Variants in PLPPR1 observed in about 807,000 individuals in gnomAD.
The protein encoded by PLPPR1 is phospholipid phosphatase-related protein type 1.
A neutral mutation model predicts 33.1 loss-of-function variants in PLPPR1; 10 were observed. The ratio of observed to expected loss-of-function variants is 0.30; its 90% CI spans 0.19 to 0.51. The LOEUF is 0.51. Among genes scored for constraint, PLPPR1 ranks in the 20% least tolerant of loss-of-function variants. The pLI is 0.97. For synonymous variants in PLPPR1, 151 were observed against 151.0 expected (o/e 1.00, Z 0.00); for missense variants, 304 against 408.1 (o/e 0.74, Z 2.20).
At chr9:101,220,521 A>G (rs1440002406) in intron 2 of PLPPR1, among the ~76,000 whole-genome samples, 1 of 152,166 alleles carries the variant, frequency 6.6e-6, no homozygotes, top group Non-Finnish European at 1.5e-5. Context: ...CAGTACAAAG[A>G]CATTAAATAT....
chr9:101,317,350 C>A lies in PLPPR1; in HGVS notation c.814-15C>A. 1 of 1,607,040 alleles carries A rather than the reference C, an allele frequency of 6.2e-7. No homozygotes were observed. Among genetic ancestry groups the A allele is most frequent in the Non-Finnish European group, 8.5e-7 (1 of 1,177,558 alleles). ...TGCAGTCTGACCCCATTCTTTTTTC[C>A]CCCTCATCCTGCAGGGAATGTGTGT... On this transcript the variant is annotated splice_polypyrimidine_tract_variant and intron_variant, in intron 6 of 7. Transcript: ENST00000374874.
rs1400467866 is a variant in PLPPR1, at chr9:101,317,492, C to T, written c.941C>T (p.Ala314Val). The T allele has an allele frequency of 6.8e-6, 11 of 1,613,368 alleles. No homozygotes were observed. The Admixed American group carries it at 1.8e-4, about 27-fold the overall frequency. ...RIESPLETLS[A>V]QNHSASMTEV... ...GAAAGCCCTCTGGAAACCTTAAGTG[C>T]ACAGGTATGGTAAAGCAGTTTTAGC... The change falls in exon 7 of 8, where the codon GCA (alanine) becomes GTA (valine). Residue 314 changes from alanine to valine, a missense_variant. Ala to Val is a moderately conservative substitution (Grantham distance 64, BLOSUM62 0). Transcript: ENST00000374874.
intron 4 of PLPPR1, among the ~76,000 whole-genome samples, chr9:101,293,240 CAAG>C (rs368248583): frequency 0.24 from 35,856 of 150,876 alleles, 4,344 homozygotes; most frequent in Admixed American, 0.3. Flanking sequence ...ATCAATTCAA[CAAG>C]AAGAGCTAAC....
At chr9:101,109,772 A>G (rs1831028473) in intron 1 of PLPPR1, among the ~76,000 whole-genome samples, 1 of 152,088 alleles carries the variant, frequency 6.6e-6, no homozygotes, top group South Asian at 2.1e-4. Flanking sequence ...TTCTTTTTCA[A>G]TACAGTTTGG....
intron 1 of PLPPR1, among the ~76,000 whole-genome samples, chr9:101,120,639 A>G (rs1041729405): frequency 1.3e-5 from 2 of 152,202 alleles, no homozygotes; most frequent in African/African-American, 4.8e-5. Flanking sequence ...CTTCAGCTAA[A>G]CAATGGAGAT....
At chr9:101,148,929 C>T (rs1310249362) in intron 1 of PLPPR1, among the ~76,000 whole-genome samples, 1 of 152,142 alleles carries the variant, frequency 6.6e-6, no homozygotes, top group Non-Finnish European at 1.5e-5. Context: ...AATTCCAATG[C>T]CAGATATCCC....
intron 1 of PLPPR1, among the ~76,000 whole-genome samples, chr9:101,065,410 C>G (rs990369294): frequency 6.6e-6 from 1 of 152,116 alleles, no homozygotes; most frequent in African/African-American, 2.4e-5. Flanking sequence ...TAACATTTCT[C>G]TGGCACATTT....
At chr9:101,100,109 T>G (rs537025680) in intron 1 of PLPPR1, among the ~76,000 whole-genome samples, 2 of 151,954 alleles carry the variant, frequency 1.3e-5, no homozygotes, top group South Asian at 4.2e-4. Flanking sequence ...ATTTTAGGCA[T>G]TTTTTTTCTT....
At chr9:101,171,153 G>C (rs1246802300) in intron 1 of PLPPR1, among the ~76,000 whole-genome samples, 1 of 152,088 alleles carries the variant, frequency 6.6e-6, no homozygotes, top group Non-Finnish European at 1.5e-5. Context: ...AAATAGGGCA[G>C]CTGAGTCCTG....
intron 1 of PLPPR1, among the ~76,000 whole-genome samples, chr9:101,181,061 T>C (rs1350955599): frequency 6.7e-6 from 1 of 149,986 alleles, no homozygotes; most frequent in Non-Finnish European, 1.5e-5. Context: ...CTAAACATGG[T>C]CAAAGAATCT....
At chr9:101,148,372 G>C (rs1419985758) in intron 1 of PLPPR1, among the ~76,000 whole-genome samples, 9 of 152,182 alleles carry the variant, frequency 5.9e-5, no homozygotes, top group Non-Finnish European at 1.5e-5. Flanking sequence ...TAAAGAGTAA[G>C]AAAATTGCTA....
chr9:101,279,681 A>G (rs1020311090), intron 3 of PLPPR1, among the ~76,000 whole-genome samples: 2 of 152,210 alleles, frequency 1.3e-5, no homozygotes, highest in African/African-American at 4.8e-5. Flanking sequence ...AACTATACAC[A>G]CACATGGAAA....
intron 1 of PLPPR1, among the ~76,000 whole-genome samples, chr9:101,123,169 C>T (rs1350516525): frequency 6.6e-6 from 1 of 151,222 alleles, no homozygotes; most frequent in African/African-American, 2.4e-5. Context: ...TGATACCAAA[C>T]ATTAAAAATC....
rs1216641380 is a variant in PLPPR1, at chr9:101,309,422, A to G, written c.597A>G (p.Lys199=). ...AGGCTCGGAGATCCTTTCCCTCCAA[A>G]CACGCTGCTCTGAGCATTTACTCCG... ...IEKARRSFPS[K]HAALSIYSAL... Residue 199 remains lysine (K), a synonymous_variant, in exon 5 of 8, where the codon AAA becomes AAG. Transcript: ENST00000374874. The G allele has an allele frequency of 1.2e-6, 2 of 1,614,058 alleles. No individual in the cohort carries two copies. The highest frequency in any genetic ancestry group is 2.2e-5 in the South Asian group (2 of 91,072).
chr9:101,321,793 A>C (rs566487056), intron 7 of PLPPR1, among the ~76,000 whole-genome samples: 1 of 148,210 alleles, frequency 6.7e-6, no homozygotes, highest in South Asian at 2.1e-4. Flanking sequence ...ATATATATTT[A>C]TATACATATA....
chr9:101,125,687 G>T (rs2118602028), intron 1 of PLPPR1: 1 of 630,950 alleles, frequency 1.6e-6, no homozygotes. Flanking sequence ...AATGACCATT[G>T]TAACATTACA....
At chr9:101,093,989 C>T (rs1830783196) in intron 1 of PLPPR1, among the ~76,000 whole-genome samples, 1 of 152,206 alleles carries the variant, frequency 6.6e-6, no homozygotes, top group Admixed American at 6.5e-5. Flanking sequence ...CCTCTTACCT[C>T]CCATCTGCAG....
rs550751986 is a variant in PLPPR1, at chr9:101,106,215, C to T, written c.-46+77113C>T. 2.3e-3 allele frequency among the ~76,000 whole-genome samples: 337 copies of T among 146,612 alleles called. 12 individuals are homozygous for T. Among genetic ancestry groups the T allele is most frequent in the African/African-American group, 8.3e-3 (320 of 38,610 alleles). The stretch of plus-strand genomic sequence containing the variant: ...TATGATGTTAGCTGGTGCTTTTGCT[C>T]GTTAGTTGATGCAGTTTCTTCCTAG... On this transcript the variant is annotated intron_variant, in intron 1 of 7. Transcript: ENST00000374874.
intron 2 of PLPPR1, among the ~76,000 whole-genome samples, chr9:101,234,551 A>T (rs192320605): frequency 0.013 from 1,895 of 146,750 alleles, 20 homozygotes; most frequent in Non-Finnish European, 0.019. Context: ...GTATTTTTTT[A>T]AAAAAAAAAC....
Sources: allele counts gnomAD v4.1 joint callset (sites outside exome capture counted in the v4.1 genomes callset), GRCh38; gene constraint gnomAD v4.1.1; transcripts MANE v1.5; gene names NCBI Gene and HGNC (gene_info 2026-07-23, HGNC 2026-07-21).